SS18: variants seen among roughly 807,000 people sequenced by gnomAD.
SS18 encodes the protein SS18 subunit of BAF chromatin remodeling complex.
SS18 carries 28 observed loss-of-function variants against 72.5 expected under a neutral mutation model. The ratio of observed to expected loss-of-function variants is 0.39; its 90% CI spans 0.29 to 0.53. The LOEUF (loss-of-function observed/expected upper bound fraction) is 0.53, where lower values mean the gene tolerates loss of function less well. Ranked by LOEUF, SS18 falls within the 20% of genes least tolerant of loss-of-function variation. The pLI, the probability that SS18 is intolerant of heterozygous loss-of-function variation, is 0.76. For missense variants in SS18, 518 were observed against 535.3 expected (o/e 0.97, Z 0.32); for synonymous variants, 172 against 164.2 (o/e 1.05, Z -0.37).
intron 4 of SS18, among the ~76,000 whole-genome samples, chr18:26,053,691 G>A (rs2053963403): frequency 6.6e-6 from 1 of 151,976 alleles, no homozygotes; most frequent in African/African-American, 2.4e-5. Flanking sequence ...ACTACAAAAA[G>A]GTTCATCAAC....
chr18:26,058,315 C>A (rs887542561), intron 3 of SS18, among the ~76,000 whole-genome samples: 2 of 152,152 alleles, frequency 1.3e-5, no homozygotes, highest in African/African-American at 4.8e-5. Context: ...CAAAAGGATG[C>A]CCTTGGCAAA....
chr18:26,086,356 T>C (rs562665779), intron 2 of SS18, among the ~76,000 whole-genome samples: 2 of 152,264 alleles, frequency 1.3e-5, no homozygotes, highest in African/African-American at 4.8e-5. Context: ...ATATGGCTAA[T>C]CCAAAATGAG....
chr18:26,083,428 T>G (rs11877974), intron 2 of SS18, among the ~76,000 whole-genome samples: 38,845 of 152,020 alleles, frequency 0.26, 8,746 homozygotes, highest in African/African-American at 0.6. Flanking sequence ...TACATTCTGA[T>G]AAATGTGTTG....
chr18:26,053,013 G>A (rs1163184533), intron 4 of SS18, among the ~76,000 whole-genome samples, 168 bp from the exon 5 acceptor site: 6 of 152,170 alleles, frequency 3.9e-5, no homozygotes, highest in Non-Finnish European at 8.8e-5. Context: ...CTGTGAAGTA[G>A]TTATTCCCAT....
intron 1 of SS18, among the ~76,000 whole-genome samples, chr18:26,088,408 G>C (rs1290474914): frequency 2.0e-5 from 3 of 152,114 alleles, no homozygotes; most frequent in Non-Finnish European, 4.4e-5. Flanking sequence ...ATGGTTTTGT[G>C]ACTCTCCAAT....
chr18:26,057,403 C>A (rs2054039806), intron 4 of SS18, among the ~76,000 whole-genome samples, 186 bp downstream of exon 4: 1 of 152,078 alleles, frequency 6.6e-6, no homozygotes, highest in South Asian at 2.1e-4. Context: ...CATCAAAGCC[C>A]AAGGGCAGCC....
intron 3 of SS18, chr18:26,068,198 T>C (rs528031422): frequency 1.3e-5 from 2 of 152,324 alleles, no homozygotes; most frequent in Admixed American, 1.3e-4. Context: ...ACTGAAAACA[T>C]TATTAAAATA....
intron 4 of SS18, among the ~76,000 whole-genome samples, chr18:26,053,339 A>T (rs1312360040): frequency 6.6e-6 from 1 of 152,088 alleles, no homozygotes; most frequent in Non-Finnish European, 1.5e-5. Context: ...CCACTAACTA[A>T]TTCTAGATGA....
At chr18:26,041,653 C>G (rs2053726160) in intron 5 of SS18, among the ~76,000 whole-genome samples, 3 of 152,092 alleles carry the variant, frequency 2.0e-5, no homozygotes, top group Admixed American at 2.0e-4. Flanking sequence ...TTCTCCAACA[C>G]TGTCTAAAGA....
chr18:26,025,832 C>T (rs1179642889), intron 10 of SS18, among the ~76,000 whole-genome samples: 2 of 151,320 alleles, frequency 1.3e-5, no homozygotes, highest in Non-Finnish European at 2.9e-5. Flanking sequence ...AGTGCTACCT[C>T]AGTAACAAAA....
intron 3 of SS18, among the ~76,000 whole-genome samples, chr18:26,077,724 T>C (rs2054442238): frequency 6.6e-6 from 1 of 152,166 alleles, no homozygotes; most frequent in Non-Finnish European, 1.5e-5. Context: ...AATAGTCCTG[T>C]CTGACAGAGA....
chr18:26,055,818 C>T (rs1169978433), intron 4 of SS18, among the ~76,000 whole-genome samples: 2 of 142,784 alleles, frequency 1.4e-5, no homozygotes, highest in Non-Finnish European at 3.0e-5. Flanking sequence ...GGTGCAGTGG[C>T]GTGATTTCGG....
chr18:26,083,177 G>A (rs2054558257), intron 2 of SS18, among the ~76,000 whole-genome samples: 4 of 152,082 alleles, frequency 2.6e-5, no homozygotes, highest in Admixed American at 2.6e-4. Flanking sequence ...GTCAGTTTAA[G>A]CCCTATTTGC....
Sources: allele counts gnomAD v4.1 joint callset (sites outside exome capture counted in the v4.1 genomes callset), GRCh38; gene constraint gnomAD v4.1.1; transcripts MANE v1.5; gene names NCBI Gene and HGNC (gene_info 2026-07-23, HGNC 2026-07-21).